Variants in TGFB3 observed in about 807,000 individuals in gnomAD.
The protein encoded by TGFB3 is transforming growth factor beta-3 proprotein.
Under a neutral mutation model 40.1 loss-of-function variants are expected in TGFB3, and 5 were observed. That is an observed-to-expected ratio of 0.12 (90% CI 0.07 to 0.26). TGFB3 has a LOEUF of 0.26. Among genes scored for constraint, TGFB3 ranks in the 10% least tolerant of loss-of-function variants. The probability of loss-of-function intolerance (pLI) is 1.00; values close to 1 mark genes in which losing one functional copy is unlikely to be tolerated. For missense variants in TGFB3, 373 were observed against 530.1 expected (o/e 0.70, Z 2.91); for synonymous variants, 184 against 205.6 (o/e 0.89, Z 0.90).
In TGFB3 at chr14:75,964,255, G is replaced by A. The variant is rs540837425; in HGVS notation, c.755-768C>T. On this transcript the variant is annotated intron_variant, in intron 4 of 6. Coordinates refer to ENST00000238682, the MANE Select transcript of TGFB3 (RefSeq NM_003239.5). ...TAAAATGTGAATGGACCAAGATAAC[G>A]CAGAAGTCCTACCAAAAATTTAAGG... 9.4e-4 allele frequency among the ~76,000 whole-genome samples: 143 copies of A among 152,180 alleles called. 1 individual carries two copies. Among genetic ancestry groups the A allele is most frequent in the Admixed American group, 1.7e-3 (26 of 15,286 alleles).
intron 4 of TGFB3, 131 bp from the exon 5 acceptor site, chr14:75,963,618 A>G: frequency 9.4e-7 from 1 of 1,065,276 alleles, no homozygotes; most frequent in Non-Finnish European, 1.4e-6. Flanking sequence ...TGTGGGGGAC[A>G]AGTGCAGCTT....
Position 75,960,995 on chromosome 14 carries a change from A to G in TGFB3, c.1008T>C (p.Pro336=), listed in dbSNP as rs748604413. 6.2e-7 allele frequency: 1 copy of G among 1,614,134 alleles called. No individual in the cohort carries two copies. The highest frequency in any genetic ancestry group is 1.7e-5 in the Admixed American group (1 of 60,010). ...AGCAGAAGTTGGCATAGTAGCCCTT[A>G]GGTTCATGGACCCACTTCCAGCCCA... ...QDLGWKWVHE[P]KGYYANFCSG... is the part of the protein sequence containing the mutation. Residue 336 remains proline (P), a synonymous_variant, in exon 6 of 7, where the codon CCT becomes CCC. Coordinates refer to ENST00000238682, the MANE Select transcript of TGFB3 (RefSeq NM_003239.5).
At chr14:75,982,677 G>T (rs1249289178), upstream of TGFB3, 7 of 151,948 alleles carry the variant, frequency 4.6e-5, no homozygotes, top group Admixed American at 4.6e-4. This position sits in a 1 kb window ranked among gnomAD's most constrained non-coding sequence, Gnocchi z 4.0. Context: ...GGGGGCTGGG[G>T]GCTGCGGGGT....
intron 5 of TGFB3, 65 bp downstream of exon 5, chr14:75,963,251 C>A: frequency 6.3e-7 from 1 of 1,599,908 alleles, no homozygotes; most frequent in Non-Finnish European, 8.6e-7. Context: ...GGCTCTGGGG[C>A]CTGACCTAGC....
intron 3 of TGFB3, among the ~76,000 whole-genome samples, chr14:75,969,432 A>G (rs565429278): frequency 1.2e-3 from 184 of 152,348 alleles, no homozygotes; most frequent in Admixed American, 3.3e-3. Flanking sequence ...ATGAGACACC[A>G]AAGTTCTAAT....
At chr14:75,965,527 A>G (rs2035210572) in intron 4 of TGFB3, 61 bp downstream of exon 4, 1 of 1,402,232 alleles carries the variant, frequency 7.1e-7, no homozygotes, top group Admixed American at 1.7e-5. Flanking sequence ...CTCCTGCACT[A>G]TCCTGTCCCA....
Position 75,963,376 on chromosome 14 carries a change from T to A in TGFB3, c.866A>T (p.Asp289Val). The A allele has an allele frequency of 6.8e-6, 11 of 1,614,190 alleles. No individual in the cohort carries two copies. Among genetic ancestry groups the A allele is most frequent in the Non-Finnish European group, 9.3e-6 (11 of 1,180,030 alleles). The stretch of plus-strand genomic sequence containing the variant: ...CCTCTGACCCCCCTGGCCCGGGTTG[T>A]CGAGCCGGTGTGGGGGAATCATCAT... Reference protein sequence around the residue: ...ILMMIPPHRLDNPGQGGQRKK... With the variant: ...ILMMIPPHRLVNPGQGGQRKK... The change falls in exon 5 of 7, where the codon GAC becomes GTC. Residue 289 changes from aspartate to valine, a missense_variant. Transcript: ENST00000238682.
In TGFB3 at chr14:75,959,288, G is replaced by A. The variant is rs1555360033; in HGVS notation, c.1138C>T (p.Pro380Ser). The change falls in exon 7 of 7, where the codon CCC becomes TCC. Residue 380 changes from proline to serine, a missense_variant. Physicochemically the swap from Pro to Ser is moderately conservative, Grantham distance 74. Coordinates refer to ENST00000238682, the MANE Select transcript of TGFB3 (RefSeq NM_003239.5). Reference sequence around the variant, plus strand: ...ATGGTCAGGGGCTCCAGGTCCTGGGGCACGCAGCAAGGCGAGGCAGATGCT... The same window carrying A: ...ATGGTCAGGGGCTCCAGGTCCTGGGACACGCAGCAAGGCGAGGCAGATGCT... Reference protein sequence around the residue: ...PEASASPCCVPQDLEPLTILY... With the variant: ...PEASASPCCVSQDLEPLTILY... 1.2e-6 allele frequency: 2 copies of A among 1,614,218 alleles called. No individual in the cohort carries two copies. The highest frequency in any genetic ancestry group is 1.7e-6 in the Non-Finnish European group (2 of 1,180,046).
chr14:75,963,596 C>G lies in TGFB3; in HGVS notation c.755-109G>C, dbSNP rs1595339372. 13 of 1,355,028 alleles carry G rather than the reference C, an allele frequency of 9.6e-6. No homozygotes were observed. The East Asian group carries it at 2.8e-4, about 29-fold the overall frequency. 83.9% of individuals were successfully genotyped at this position (1,355,028 alleles called of 1,614,324 possible). A position where few individuals can be genotyped will look rare whatever the true frequency, so the allele number is the denominator to read the frequency against. On this transcript the variant is annotated intron_variant, in intron 4 of 6. Coordinates refer to ENST00000238682, the MANE Select transcript of TGFB3 (RefSeq NM_003239.5). ...TGCCCAGGAGGAGGGGCAGTGCAGT[C>G]TGCGAGGGAGGTGTGGGGGACAAGT... is the stretch of plus-strand genomic sequence containing the variant.
chr14:75,974,804 C>T (rs537576415), intron 1 of TGFB3, among the ~76,000 whole-genome samples: 2 of 149,508 alleles, frequency 1.3e-5, no homozygotes, highest in East Asian at 3.9e-4. Context: ...GAAGAATTGG[C>T]AGCCAGGCAT....
At chr14:75,965,751 G>C in intron 3 of TGFB3, 56 bp from the exon 4 acceptor site, 2 of 1,417,830 alleles carry the variant, frequency 1.4e-6, no homozygotes, top group Non-Finnish European at 2.0e-6. Context: ...GGGGAAGTGT[G>C]CCCACCACCC....
In TGFB3 at chr14:75,980,430, G is replaced by T; in HGVS notation, c.352+112C>A. On this transcript the variant is annotated intron_variant, in intron 1 of 6. Coordinates refer to ENST00000238682, the MANE Select transcript of TGFB3 (RefSeq NM_003239.5). This position sits in a 1 kb window ranked among gnomAD's most constrained non-coding sequence, Gnocchi z 4.3. ...TCGCACATCCTGAGCCTTGGTGCTG[G>T]TGAATCCTGGGGCACCCTGCTGTGT... 8.8e-7 allele frequency: 1 copy of T among 1,134,604 alleles called. No individual in the cohort carries two copies. The highest frequency in any genetic ancestry group is 1.3e-6 in the Non-Finnish European group (1 of 752,480). 70.3% of individuals were successfully genotyped at this position (1,134,604 alleles called of 1,614,324 possible). A position where few individuals can be genotyped will look rare whatever the true frequency, so the allele number is the denominator to read the frequency against.
At chr14:75,982,187 T>A (rs555263839), upstream of TGFB3, among the ~76,000 whole-genome samples, 41 of 152,318 alleles carry the variant, frequency 2.7e-4, no homozygotes, top group African/African-American at 8.9e-4. The surrounding 1 kb of genome is among the most constrained non-coding windows in gnomAD (Gnocchi z 4.0). Flanking sequence ...GTAGCTGAAC[T>A]TTTTTTCCCC....
At chr14:75,968,904 C>T (rs2035253528) in intron 3 of TGFB3, among the ~76,000 whole-genome samples, 1 of 152,158 alleles carries the variant, frequency 6.6e-6, no homozygotes, top group Admixed American at 6.5e-5. Flanking sequence ...GTGAGAAAAT[C>T]GAGCCAGCAC....
rs1195933723 is a variant in TGFB3 at position 75,980,339 on chromosome 14, G to C, written c.352+203C>G. 6.6e-6 allele frequency among the ~76,000 whole-genome samples: 1 copy of C among 152,140 alleles called. No homozygotes were observed. On this transcript the variant is annotated intron_variant, in intron 1 of 6. Coordinates refer to ENST00000238682, the MANE Select transcript of TGFB3 (RefSeq NM_003239.5). This position sits in a 1 kb window ranked among gnomAD's most constrained non-coding sequence, Gnocchi z 4.3. ...CCAGGGCTCCTGGCCTCCCAGAAGC[G>C]CCGGCTCTTAACAGAATGGCTCTAT...
intron 6 of TGFB3, chr14:75,960,163 C>G (rs1300445495): frequency 6.6e-6 from 1 of 152,116 alleles, no homozygotes; most frequent in Non-Finnish European, 1.5e-5. Flanking sequence ...AGGCTGGTCT[C>G]GAACTCCTGA....
chr14:75,978,126 T>C lies in TGFB3; in HGVS notation c.352+2416A>G, dbSNP rs3917158. Among the ~76,000 whole-genome samples the C allele has an allele frequency of 0.81, 122,586 of 151,952 alleles. 49,643 individuals carry two copies. Among genetic ancestry groups the C allele is most frequent in the South Asian group, 0.84 (4,053 of 4,800 alleles). On this transcript the variant is annotated intron_variant, in intron 1 of 6. Coordinates refer to ENST00000238682, the MANE Select transcript of TGFB3 (RefSeq NM_003239.5). The surrounding 1 kb of genome is among the most constrained non-coding windows in gnomAD (Gnocchi z 5.0). ...CCTGGCTCCTACTGTCACTTTCCTT[T>C]GAATGCATGTTCACTGGGTCAGGGA...
At chr14:75,972,392 A>G (rs1436370985) in intron 1 of TGFB3, among the ~76,000 whole-genome samples, 2 of 152,208 alleles carry the variant, frequency 1.3e-5, no homozygotes, top group East Asian at 3.8e-4. Context: ...GGGTATTAAT[A>G]CATGGGCCCA....
Position 75,958,879 on chromosome 14 carries a change from CACA to C in TGFB3, c.*305_*307del, listed in dbSNP as rs780878400. ...TAGGGTAGCCCAAATCCCATTGCCA[CACA>C]ACATCTCAACTTACCATCCCTTTCC... On this transcript the variant is annotated 3_prime_UTR_variant, in exon 7 of 7. Transcript: ENST00000238682. 1.0e-5 allele frequency: 4 copies of C among 393,652 alleles called. No homozygotes were observed. The highest frequency in any genetic ancestry group is 4.2e-5 in the South Asian group (2 of 47,652). 24.4% of individuals were successfully genotyped at this position (393,652 alleles called of 1,614,324 possible).
Sources: gnomAD v4.1 joint callset for allele counts (sites outside exome capture counted in the v4.1 genomes callset) on GRCh38, gnomAD v4.1.1 for gene constraint, Gnocchi (gnomAD v3.1) non-coding constraint, MANE v1.5 for transcripts, NCBI Gene and HGNC (gene_info 2026-07-23, HGNC 2026-07-21) for gene names.